SPICE1: variants seen among roughly 807,000 people sequenced by gnomAD.
The protein encoded by SPICE1 is spindle and centriole-associated protein 1.
SPICE1 carries 75 observed loss-of-function variants against 102.7 expected under a neutral mutation model. The ratio of observed to expected loss-of-function variants is 0.73; its 90% CI spans 0.61 to 0.88. SPICE1 has a LOEUF of 0.88. Ranked by LOEUF, SPICE1 falls within the 40% of genes least tolerant of loss-of-function variation. The pLI is 0.00. For missense variants in SPICE1, 979 were observed against 1,020.1 expected, an observed-to-expected ratio of 0.96 and a Z score of 0.55; for synonymous variants, 308 against 350.3, an observed-to-expected ratio of 0.88 and a Z score of 1.35.
chr3:113,477,438 A>G (rs1288612662), intron 7 of SPICE1, among the ~76,000 whole-genome samples: 2 of 151,356 alleles, frequency 1.3e-5, no homozygotes, highest in African/African-American at 2.4e-5. Context: ...ATTGCTGGGT[A>G]TATACCCAGA....
intron 2 of SPICE1, among the ~76,000 whole-genome samples, chr3:113,505,395 A>G (rs1465471478): frequency 6.6e-6 from 1 of 152,170 alleles, no homozygotes; most frequent in African/African-American, 2.4e-5. Context: ...TCAGACAGCA[A>G]CAAAACAATC....
At position 113,514,870 on chromosome 3, in the gene SPICE1, T is replaced by A; in HGVS notation, c.-1+27A>T. The A allele has an allele frequency of 4.1e-6, 5 of 1,214,622 alleles. No individual in the cohort carries two copies. The South Asian group carries it at 7.3e-5, about 18-fold the overall frequency. The allele number at this position is 1,214,622 out of a possible 1,614,324, so 75.2% of individuals were successfully genotyped here. A position where few individuals can be genotyped will look rare whatever the true frequency, so the allele number is the denominator to read the frequency against. ...GGTGCTCTGGCGCCACGCACAAACA[T>A]ACCCAGACACGCACCCTGACACGTA... On this transcript the variant is annotated intron_variant, in intron 1 of 17. Coordinates refer to ENST00000295872, the MANE Select transcript of SPICE1 (RefSeq NM_144718.4).
chr3:113,469,289 A>G, intron 7 of SPICE1, 51 bp from the exon 8 acceptor site: 4 of 798,104 alleles, frequency 5.0e-6, no homozygotes, highest in Non-Finnish European at 6.5e-6. Flanking sequence ...ATAAATTAAT[A>G]TAATATAAAT....
intron 7 of SPICE1, among the ~76,000 whole-genome samples, chr3:113,483,547 T>C (rs1936571671): frequency 1.3e-5 from 2 of 152,328 alleles, no homozygotes; most frequent in Non-Finnish European, 1.5e-5. Context: ...TTTTGAGATA[T>C]GTTCCACCGA....
chr3:113,473,482 T>C (rs574879870), intron 7 of SPICE1, among the ~76,000 whole-genome samples: 12 of 151,980 alleles, frequency 7.9e-5, no homozygotes, highest in South Asian at 6.3e-4. Context: ...GACGCATAAT[T>C]GTCAGATTCA....
chr3:113,474,615 G>C (rs984749661), intron 7 of SPICE1, among the ~76,000 whole-genome samples: 3 of 151,994 alleles, frequency 2.0e-5, no homozygotes, highest in Non-Finnish European at 4.4e-5. Context: ...AATCAAACTA[G>C]AACTCAGGAT....
chr3:113,451,107 G>A (rs570026768), intron 14 of SPICE1, among the ~76,000 whole-genome samples: 1 of 152,238 alleles, frequency 6.6e-6, no homozygotes, highest in Non-Finnish European at 1.5e-5. Flanking sequence ...TGCTATCTTG[G>A]AAACAGAAGT....
chr3:113,446,475 A>G (rs1935515660), intron 17 of SPICE1, 114 bp downstream of exon 17: 2 of 798,436 alleles, frequency 2.5e-6, no homozygotes, highest in South Asian at 3.4e-5. Context: ...TCTTTTAAGA[A>G]TATCATACCA....
chr3:113,497,108 C>G (rs975000460), intron 4 of SPICE1, among the ~76,000 whole-genome samples: 11 of 152,196 alleles, frequency 7.2e-5, no homozygotes, highest in African/African-American at 2.4e-4. Context: ...TTCTGGCCAA[C>G]AGGATATATG....
At chr3:113,472,009 G>A (rs1157522618) in intron 7 of SPICE1, among the ~76,000 whole-genome samples, 5 of 152,236 alleles carry the variant, frequency 3.3e-5, no homozygotes, top group African/African-American at 9.6e-5. Context: ...TGGGAAGCGC[G>A]AGGGGTCAGG....
chr3:113,455,900 G>A (rs760014327), intron 13 of SPICE1, among the ~76,000 whole-genome samples: 9 of 152,202 alleles, frequency 5.9e-5, no homozygotes, highest in Non-Finnish European at 1.0e-4. Context: ...TATTGTAACT[G>A]AAGCCCTCTG....
At chr3:113,448,826 G>C (rs1935576611) in intron 15 of SPICE1, 1 of 152,050 alleles carries the variant, frequency 6.6e-6, no homozygotes, top group African/African-American at 2.4e-5. Flanking sequence ...GAAAACAAAA[G>C]AGGTTTTTCA....
rs1936805802 is a variant in SPICE1 at position 113,493,303 on chromosome 3, T to C, written c.395A>G (p.Asn132Ser). 6.2e-7 allele frequency: 1 copy of C among 1,613,744 alleles called. No individual in the cohort carries two copies. The highest frequency in any genetic ancestry group is 8.5e-7 in the Non-Finnish European group (1 of 1,179,736). Residue 132 changes from asparagine (N) to serine (S), a missense_variant, in exon 6 of 18, where the codon AAT becomes AGT. By Grantham distance (46) the Asn-to-Ser change is conservative. Coordinates refer to ENST00000295872, the MANE Select transcript of SPICE1 (RefSeq NM_144718.4). ...AGAGGAATCAGGAGCCACTGTTACA[T>C]TTGGAAACCCTGCAAAAGGAAAAGA... Reference protein sequence around the residue: ...LFPRRRTGFPNVTVAPDSSQG... With the variant: ...LFPRRRTGFPSVTVAPDSSQG...
At chr3:113,458,445 C>T (rs553966966) in intron 12 of SPICE1, among the ~76,000 whole-genome samples, 8 of 152,306 alleles carry the variant, frequency 5.3e-5, no homozygotes, top group East Asian at 3.9e-4. Context: ...AGCTCCTGAC[C>T]GCGAGTGATC....
At chr3:113,487,789 A>G (rs1936679885) in intron 7 of SPICE1, among the ~76,000 whole-genome samples, 1 of 152,226 alleles carries the variant, frequency 6.6e-6, no homozygotes, top group South Asian at 2.1e-4. Context: ...AACAGCACCA[A>G]TAATTAAACC....
At chr3:113,468,537 A>C in intron 9 of SPICE1, 133 bp from the exon 10 acceptor site, 1 of 1,192,904 alleles carries the variant, frequency 8.4e-7, no homozygotes, top group South Asian at 1.5e-5. Context: ...TTCTCTCATA[A>C]AAATTAAACA....
At chr3:113,454,155 A>C (rs996695444) in intron 13 of SPICE1, among the ~76,000 whole-genome samples, 3 of 152,108 alleles carry the variant, frequency 2.0e-5, no homozygotes, top group African/African-American at 7.2e-5. Flanking sequence ...ACATTCCTTA[A>C]AGCATTTGTT....
At chr3:113,499,974 G>A (rs1936977655) in intron 3 of SPICE1, among the ~76,000 whole-genome samples, 1 of 151,654 alleles carries the variant, frequency 6.6e-6, no homozygotes, top group African/African-American at 2.4e-5. Context: ...CACACTAACT[G>A]AGCACAATGT....
At chr3:113,512,210 C>A (rs1279205433) in intron 1 of SPICE1, among the ~76,000 whole-genome samples, 4 of 152,102 alleles carry the variant, frequency 2.6e-5, no homozygotes, top group African/African-American at 9.7e-5. Flanking sequence ...GCCACTAAAT[C>A]TGTGGTAATT....
Sources: gnomAD v4.1 joint callset for allele counts (sites outside exome capture counted in the v4.1 genomes callset) on GRCh38, gnomAD v4.1.1 for gene constraint, MANE v1.5 for transcripts, NCBI Gene and HGNC (gene_info 2026-07-23, HGNC 2026-07-21) for gene names.